The following PLPP4 variants were observed in gnomAD, a reference collection of about 807,000 sequenced individuals.
PLPP4 encodes the protein diacylglycerol pyrophosphate like 2.
A neutral mutation model predicts 32.2 loss-of-function variants in PLPP4; 20 were observed. The ratio of observed to expected loss-of-function variants is 0.62; its 90% confidence interval spans 0.44 to 0.90. The LOEUF (loss-of-function observed/expected upper bound fraction) is 0.90. PLPP4 is among the 40% of genes least tolerant of loss of function. The pLI is 0.00. For synonymous variants in PLPP4, 127 were observed against 133.0 expected (o/e 0.95, Z 0.31); for missense variants, 257 against 353.1 (o/e 0.73, Z 2.18).
At chr10:120,580,937 C>T in intron 6 of PLPP4, 2 of 1,289,316 alleles carry the variant, frequency 1.6e-6, no homozygotes, top group Non-Finnish European at 2.0e-6. Context: ...TCACATTTAC[C>T]ATCGGCTGCC....
intron 5 of PLPP4, among the ~76,000 whole-genome samples, chr10:120,563,004 C>T (rs956092962): frequency 6.6e-6 from 1 of 152,274 alleles, no homozygotes; most frequent in East Asian, 1.9e-4. Context: ...GTTTGGGAAG[C>T]CAAGGCGGGT....
At chr10:120,580,680 C>CACAAAT (rs1564855666) in intron 6 of PLPP4, among the ~76,000 whole-genome samples, 1 of 148,156 alleles carries the variant, frequency 6.7e-6, no homozygotes, top group Non-Finnish European at 1.5e-5. Context: ...CACACACACA[C>CACAAAT]GGCTGAGGGA....
chr10:120,519,301 C>A (rs1262091767), intron 4 of PLPP4, among the ~76,000 whole-genome samples: 1 of 152,146 alleles, frequency 6.6e-6, no homozygotes, highest in African/African-American at 2.4e-5. Context: ...TGGCACATTT[C>A]TCTTAATGCC....
At position 120,472,485 on chromosome 10, in the gene PLPP4, G is replaced by C. The variant is rs374892122; in HGVS notation, c.56+15124G>C. On this transcript the variant is annotated intron_variant, in intron 1 of 6. Coordinates refer to ENST00000398250, the MANE Select transcript of PLPP4 (RefSeq NM_001030059.3). ...ATTGTTGCTTTTATGAATGTAATGTGTTTTTGCTCTTGATTGTTTTTAAAA... is the reference window on the plus strand; with the variant it reads ...ATTGTTGCTTTTATGAATGTAATGTCTTTTTGCTCTTGATTGTTTTTAAAA... Among the ~76,000 whole-genome samples, 341 of 151,940 alleles carry C rather than the reference G, an allele frequency of 2.2e-3. 1 individual carries two copies. Among genetic ancestry groups the C allele is most frequent in the African/African-American group, 8.0e-3 (332 of 41,512 alleles).
At chr10:120,517,717 G>C (rs191254932) in intron 3 of PLPP4, among the ~76,000 whole-genome samples, 7 of 152,056 alleles carry the variant, frequency 4.6e-5, no homozygotes, top group African/African-American at 7.2e-5. Context: ...CGGATAACTT[G>C]TTAAAAGCAG....
chr10:120,563,067 C>A (rs1184268334), intron 5 of PLPP4, among the ~76,000 whole-genome samples: 2 of 152,096 alleles, frequency 1.3e-5, no homozygotes, highest in Non-Finnish European at 2.9e-5. Flanking sequence ...GGAGAAACCC[C>A]ACTTCTACTA....
Position 120,590,918 on chromosome 10 carries a change from G to A in PLPP4, c.*1416G>A, listed in dbSNP as rs745709838. On this transcript the variant is annotated 3_prime_UTR_variant, in exon 7 of 7. Transcript: ENST00000398250. ...CAAGTAGCTAGGACTACAGGTGCCC[G>A]CCACCACACCTGGCTAATTTTTGTA... Among the ~76,000 whole-genome samples, 2 of 151,918 alleles carry A rather than the reference G, an allele frequency of 1.3e-5. No homozygotes were observed. The highest frequency in any genetic ancestry group is 1.5e-5 in the Non-Finnish European group (1 of 67,976).
intron 5 of PLPP4, among the ~76,000 whole-genome samples, chr10:120,565,428 T>C (rs1848650207): frequency 1.3e-5 from 2 of 152,042 alleles, no homozygotes; most frequent in East Asian, 1.9e-4. Context: ...GATGGCCTTA[T>C]TCAATATGGA....
intron 5 of PLPP4, among the ~76,000 whole-genome samples, chr10:120,550,204 G>C (rs1237685024): frequency 6.6e-6 from 1 of 151,814 alleles, no homozygotes; most frequent in Non-Finnish European, 1.5e-5. Context: ...GACTTTTAAA[G>C]TACCATTTAT....
chr10:120,481,354 C>T (rs529412999), intron 1 of PLPP4, among the ~76,000 whole-genome samples: 3 of 152,278 alleles, frequency 2.0e-5, no homozygotes, highest in Non-Finnish European at 4.4e-5. Flanking sequence ...CAGGGCAGCC[C>T]AGGGGACATC....
Position 120,520,955 on chromosome 10 carries a change from A to C in PLPP4, c.321-16A>C. On this transcript the variant is annotated splice_polypyrimidine_tract_variant and intron_variant, in intron 4 of 6. Coordinates refer to ENST00000398250, the MANE Select transcript of PLPP4 (RefSeq NM_001030059.3). ...GCAGCATTTTATATTGAAAATGTCC[A>C]TGGTGTCTTTTGTAGACCTCGCCCC... is the stretch of plus-strand genomic sequence containing the variant. 1 of 1,614,026 alleles carries C rather than the reference A, an allele frequency of 6.2e-7. No individual in the cohort carries two copies. Among genetic ancestry groups the C allele is most frequent in the Non-Finnish European group, 8.5e-7 (1 of 1,179,980 alleles).
rs548561718 is a variant in PLPP4 at position 120,558,370 on chromosome 10, A to T, written c.446-16761A>T. The stretch of plus-strand genomic sequence containing the variant: ...TTTTTTGAGATTCTTCTATTTATTG[A>T]TGTATGTAGCAGGAGTTTATTCATT... On this transcript the variant is annotated intron_variant, in intron 5 of 6. Coordinates refer to ENST00000398250, the MANE Select transcript of PLPP4 (RefSeq NM_001030059.3). Among the ~76,000 whole-genome samples, 89 of 149,444 alleles carry T rather than the reference A, an allele frequency of 6.0e-4. 1 individual carries two copies. The highest frequency in any genetic ancestry group is 2.1e-3 in the African/African-American group (85 of 40,902).
At chr10:120,582,789 C>CCCTCCCTT (rs1849577445) in intron 6 of PLPP4, among the ~76,000 whole-genome samples, 1 of 114,942 alleles carries the variant, frequency 8.7e-6, no homozygotes, top group East Asian at 3.0e-4. Flanking sequence ...CTCCCTCCCT[C>CCCTCCCTT]CCTCCCTCCC....
intron 6 of PLPP4, 127 bp from the exon 7 acceptor site, chr10:120,589,176 C>T: frequency 1.2e-6 from 1 of 846,260 alleles, no homozygotes; most frequent in Non-Finnish European, 1.9e-6. Context: ...TTCCTTTAGT[C>T]TTTCAGGGGG....
intron 1 of PLPP4, among the ~76,000 whole-genome samples, chr10:120,500,101 T>C (rs555695748): frequency 9.8e-5 from 15 of 152,326 alleles, no homozygotes; most frequent in African/African-American, 3.6e-4. Context: ...GTACTGCTAC[T>C]CCCAGAGGAT....
intron 5 of PLPP4, among the ~76,000 whole-genome samples, chr10:120,543,506 A>T (rs1259148914): frequency 1.3e-5 from 2 of 152,166 alleles, no homozygotes; most frequent in African/African-American, 4.8e-5. Flanking sequence ...ATTAAAAAAA[A>T]AACACACTCA....
intron 6 of PLPP4, chr10:120,580,991 T>A (rs1589928110): frequency 7.8e-7 from 1 of 1,288,598 alleles, no homozygotes; most frequent in Non-Finnish European, 1.0e-6. Flanking sequence ...TGACTGCCCA[T>A]CTAAGTCCAC....
At chr10:120,559,141 C>T (rs372648630) in intron 5 of PLPP4, among the ~76,000 whole-genome samples, 48 of 152,210 alleles carry the variant, frequency 3.2e-4, no homozygotes, top group African/African-American at 1.1e-3. Context: ...CTTAGCTTTT[C>T]TCTTATATAA....
chr10:120,499,098 A>G (rs1303217628), intron 1 of PLPP4, among the ~76,000 whole-genome samples: 2 of 152,166 alleles, frequency 1.3e-5, no homozygotes, highest in African/African-American at 4.8e-5. Flanking sequence ...AGTAAACTAA[A>G]TGGTTTTACC....
Sources: gnomAD v4.1 joint callset for allele counts (sites outside exome capture counted in the v4.1 genomes callset) on GRCh38, gnomAD v4.1.1 for gene constraint, MANE v1.5 for transcripts, NCBI Gene and HGNC (gene_info 2026-07-23, HGNC 2026-07-21) for gene names.